The following RAB1A variants were observed in gnomAD, a reference collection of about 807,000 sequenced individuals.
RAB1A encodes the protein RAB1A, member RAS oncogene family.
Under a neutral mutation model 26.0 loss-of-function variants are expected in RAB1A, and 2 were observed. The observed-to-expected ratio is 0.08, with a 90% CI of 0.03 to 0.24. RAB1A has a LOEUF of 0.24. RAB1A is among the 10% of genes least tolerant of loss of function. RAB1A has a pLI of 1.00. For synonymous variants in RAB1A, 84 were observed against 84.9 expected (o/e 0.99, Z 0.06); for missense variants, 100 against 247.0 (o/e 0.40, Z 3.99).
At chr2:65,109,429 C>T (rs919425186) in intron 1 of RAB1A, among the ~76,000 whole-genome samples, 2 of 151,968 alleles carry the variant, frequency 1.3e-5, no homozygotes, top group Non-Finnish European at 1.5e-5. Context: ...TTTGGCTGGG[C>T]GCGGTGGCTC....
rs879018692 is a variant in RAB1A at position 65,088,567 on chromosome 2, C to T, written c.544G>A (p.Ala182Thr). 1 of 1,613,642 alleles carries T rather than the reference C, an allele frequency of 6.2e-7. No homozygotes were observed. The highest frequency in any genetic ancestry group is 8.5e-7 in the Non-Finnish European group (1 of 1,179,838). Residue 182 changes from alanine (A) to threonine (T), a missense_variant, in exon 6 of 6, where the codon GCT becomes ACT. Transcript: ENST00000409784. Reference sequence around the variant, plus strand: ...ACATTGGACTTCTCAGCACCACCAGCTGTTGCTCCGGGACCCATTCGCTTT... The same window carrying T: ...ACATTGGACTTCTCAGCACCACCAGTTGTTGCTCCGGGACCCATTCGCTTT... ...IKKRMGPGAT[A>T]GGAEKSNVKI...
intron 3 of RAB1A, among the ~76,000 whole-genome samples, chr2:65,095,750 G>A (rs1028256635): frequency 1.7e-4 from 26 of 151,510 alleles, no homozygotes; most frequent in Non-Finnish European, 3.5e-4. Context: ...GGTGGCTCAC[G>A]CCTGTAATCC....
At position 65,087,454 on chromosome 2, in the gene RAB1A, G is replaced by A. The variant is rs1250928113; in HGVS notation, c.*1039C>T. 1 of 152,618 alleles carries A rather than the reference G, an allele frequency of 6.6e-6. No homozygotes were observed. Among genetic ancestry groups the A allele is most frequent in the African/African-American group, 2.4e-5 (1 of 41,448 alleles). 9.5% of individuals were successfully genotyped at this position (152,618 alleles called of 1,614,324 possible). A position where few individuals can be genotyped will look rare whatever the true frequency, so the allele number is the denominator to read the frequency against. On this transcript the variant is annotated 3_prime_UTR_variant, in exon 6 of 6. Coordinates refer to ENST00000409784, the MANE Select transcript of RAB1A (RefSeq NM_004161.5). ...ATAAAATAGTTGAATCTGACTGAAA[G>A]CATGGAAGAAAAACATTAGCACACA...
At chr2:65,097,933 A>C in intron 3 of RAB1A, 38 bp downstream of exon 3, 1 of 1,233,220 alleles carries the variant, frequency 8.1e-7, no homozygotes. Flanking sequence ...AAATTTACCA[A>C]AATAAATTTC....
chr2:65,096,935 C>G (rs887425438), intron 3 of RAB1A, among the ~76,000 whole-genome samples: 1 of 152,208 alleles, frequency 6.6e-6, no homozygotes, highest in Non-Finnish European at 1.5e-5. Flanking sequence ...TTGGTTCTCA[C>G]AACTAGCTTA....
rs149616662 is a variant in RAB1A at position 65,088,773 on chromosome 2, G to A, written c.421-83C>T. 73 of 1,332,194 alleles carry A rather than the reference G, an allele frequency of 5.5e-5. No homozygotes were observed. In the African/African-American group the frequency reaches 8.4e-4, roughly 15 times the overall value. The allele number at this position is 1,332,194 out of a possible 1,614,324, so 82.5% of individuals were successfully genotyped here. A position where few individuals can be genotyped will look rare whatever the true frequency, so the allele number is the denominator to read the frequency against. The stretch of plus-strand genomic sequence containing the variant: ...GCATTTCTACCATCCATAATGGAGC[G>A]TGAGGAACTAAGTTCATTGGATCCA... On this transcript the variant is annotated intron_variant, in intron 5 of 5. Coordinates refer to ENST00000409784, the MANE Select transcript of RAB1A (RefSeq NM_004161.5).
chr2:65,093,777 C>A (rs1669223413), intron 3 of RAB1A, among the ~76,000 whole-genome samples: 1 of 151,934 alleles, frequency 6.6e-6, no homozygotes, highest in South Asian at 2.1e-4. Flanking sequence ...CACCTGCCAC[C>A]ATGCCCAGCT....
chr2:65,098,900 A>T (rs1669354447), intron 2 of RAB1A, among the ~76,000 whole-genome samples: 1 of 127,860 alleles, frequency 7.8e-6, no homozygotes, highest in African/African-American at 3.0e-5. Flanking sequence ...CAGTGTCATG[A>T]TCTCAGCTCA....
intron 1 of RAB1A, among the ~76,000 whole-genome samples, chr2:65,117,231 T>A (rs184112021): frequency 3.1e-4 from 47 of 151,966 alleles, no homozygotes; most frequent in African/African-American, 1.1e-3. Flanking sequence ...CACCTGGCTA[T>A]TTTTTATTTT....
intron 1 of RAB1A, among the ~76,000 whole-genome samples, chr2:65,111,223 G>A (rs1027555650): frequency 9.9e-5 from 15 of 152,080 alleles, no homozygotes; most frequent in African/African-American, 2.7e-4. Context: ...TTAGCCAGGC[G>A]TGGTGGCACA....
chr2:65,091,149 G>A (rs1383060729), intron 3 of RAB1A, 71 bp from the exon 4 acceptor site: 11 of 1,197,778 alleles, frequency 9.2e-6, no homozygotes, highest in Non-Finnish European at 1.3e-5. Context: ...TAGGAGGGAG[G>A]GGAAATAGTT....
chr2:65,126,202 T>C (rs1013064418), intron 1 of RAB1A, among the ~76,000 whole-genome samples: 4 of 151,852 alleles, frequency 2.6e-5, no homozygotes, highest in African/African-American at 9.7e-5. Context: ...TAATCCCAGC[T>C]ACTCAGGAGA....
chr2:65,094,717 A>G lies in RAB1A; in HGVS notation c.192+3254T>C, dbSNP rs146663348. Among the ~76,000 whole-genome samples, 1,148 of 152,358 alleles carry G rather than the reference A, an allele frequency of 7.5e-3. 12 individuals are homozygous for G. Among genetic ancestry groups the G allele is most frequent in the African/African-American group, 0.026 (1,089 of 41,586 alleles). On this transcript the variant is annotated intron_variant, in intron 3 of 5. Transcript: ENST00000409784. ...AATAAGAAAGGGCCATGAGCCCTTGAAGTTCAAGAGAGAAATTCATTCAGG... is the reference window on the plus strand; with the variant it reads ...AATAAGAAAGGGCCATGAGCCCTTGGAGTTCAAGAGAGAAATTCATTCAGG...
chr2:65,123,729 G>C (rs550721153), intron 1 of RAB1A, among the ~76,000 whole-genome samples: 77 of 151,890 alleles, frequency 5.1e-4, no homozygotes, highest in Non-Finnish European at 9.4e-4. Context: ...GAGAGGCTGA[G>C]GTGGAAGAAT....
intron 1 of RAB1A, among the ~76,000 whole-genome samples, chr2:65,109,059 G>T (rs957216027): frequency 1.3e-5 from 2 of 152,140 alleles, no homozygotes; most frequent in African/African-American, 4.8e-5. Context: ...TCAGTGACAC[G>T]TTAACTTGCA....
intron 2 of RAB1A, among the ~76,000 whole-genome samples, chr2:65,099,684 G>A (rs1045025369): frequency 2.6e-5 from 4 of 152,146 alleles, no homozygotes; most frequent in Admixed American, 6.5e-5. Flanking sequence ...GAGTACAATC[G>A]TAGCTTACTG....
intron 3 of RAB1A, 35 bp downstream of exon 3, chr2:65,097,931 CAAAAT>C (rs779454849): frequency 8.4e-7 from 1 of 1,191,164 alleles, no homozygotes; most frequent in African/African-American, 1.6e-5. Flanking sequence ...ACAAATTTAC[CAAAAT>C]AAATTTCAAA....
At chr2:65,114,109 T>A (rs1029698284) in intron 1 of RAB1A, 2 of 464,268 alleles carry the variant, frequency 4.3e-6, no homozygotes, top group Admixed American at 5.3e-5. Context: ...ATACTCCCAA[T>A]ACAGCCACAA....
At chr2:65,102,743 T>C (rs984097165) in intron 2 of RAB1A, among the ~76,000 whole-genome samples, 1 of 150,772 alleles carries the variant, frequency 6.6e-6, no homozygotes, top group Non-Finnish European at 1.5e-5. Context: ...CTGGCCAACA[T>C]GGTGAAACCC....
Sources: gnomAD v4.1 joint callset for allele counts (sites outside exome capture counted in the v4.1 genomes callset) on GRCh38, gnomAD v4.1.1 for gene constraint, MANE v1.5 for transcripts, NCBI Gene and HGNC (gene_info 2026-07-23, HGNC 2026-07-21) for gene names.